The following SLC24A4 variants were observed in gnomAD, a reference collection of about 807,000 sequenced individuals.
SLC24A4 encodes solute carrier family 24 member 4.
A neutral mutation model predicts 79.0 loss-of-function variants in SLC24A4; 53 were observed. The observed-to-expected ratio is 0.67, with a 90% CI of 0.54 to 0.84. The LOEUF is 0.84. Ranked by LOEUF, SLC24A4 falls within the 40% of genes least tolerant of loss-of-function variation. The probability of loss-of-function intolerance (pLI) is 0.00; values close to 1 mark genes in which losing one functional copy is unlikely to be tolerated. For synonymous variants in SLC24A4, 323 were observed against 323.8 expected (o/e 1.00, Z 0.03); for missense variants, 731 against 822.0 (o/e 0.89, Z 1.35).
At chr14:92,366,377 G>A (rs1039860401) in intron 2 of SLC24A4, among the ~76,000 whole-genome samples, 6 of 152,214 alleles carry the variant, frequency 3.9e-5, no homozygotes, top group African/African-American at 1.4e-4. Flanking sequence ...CAGATGCTTG[G>A]GATAAACAGC....
Position 92,441,968 on chromosome 14 carries a change from C to T in SLC24A4, c.394-121C>T. On this transcript the variant is annotated intron_variant, in intron 4 of 16. Transcript: ENST00000532405. The surrounding 1 kb of genome is among the most constrained non-coding windows in gnomAD (Gnocchi z 4.6). ...GTGCCCAGGGGTGAGAGGCTGCAGG[C>T]AGACGAGTTTGCCTCTGGCTGCAGC... The T allele has an allele frequency of 5.7e-6, 4 of 706,158 alleles. No homozygotes were observed. The highest frequency in any genetic ancestry group is 9.8e-6 in the Non-Finnish European group (4 of 408,870). The allele number at this position is 706,158 out of a possible 1,614,324, so 43.7% of individuals were successfully genotyped here.
At chr14:92,359,128 A>T (rs1887351503) in intron 2 of SLC24A4, among the ~76,000 whole-genome samples, 1 of 152,190 alleles carries the variant, frequency 6.6e-6, no homozygotes, top group African/African-American at 2.4e-5. Flanking sequence ...CCTCTATCCT[A>T]GCCTAGCCCA....
chr14:92,336,970 A>G (rs1885845818), intron 2 of SLC24A4, among the ~76,000 whole-genome samples: 1 of 152,182 alleles, frequency 6.6e-6, no homozygotes, highest in South Asian at 2.1e-4. Flanking sequence ...TGGCTGTCCA[A>G]GGGGAAAGAG....
chr14:92,324,437 G>A (rs1448577342), intron 1 of SLC24A4, among the ~76,000 whole-genome samples: 1 of 152,224 alleles, frequency 6.6e-6, no homozygotes, highest in African/African-American at 2.4e-5. Context: ...CCCTAAAGGC[G>A]TTGGGGCAGT....
chr14:92,445,268 G>A, intron 7 of SLC24A4, 49 bp from the exon 8 acceptor site: 1 of 1,611,086 alleles, frequency 6.2e-7, no homozygotes. Context: ...TTCTTGTTTG[G>A]AAATAAATAT....
chr14:92,462,714 T>C (rs1289630143), intron 12 of SLC24A4: 4 of 152,220 alleles, frequency 2.6e-5, no homozygotes, highest in African/African-American at 9.7e-5. Context: ...GGGTGCTTTA[T>C]ACACATTAAG....
intron 12 of SLC24A4, among the ~76,000 whole-genome samples, chr14:92,459,205 C>T (rs1595317261): frequency 6.6e-6 from 1 of 152,322 alleles, no homozygotes; most frequent in Middle Eastern, 3.4e-3. Flanking sequence ...TCTTCCCATT[C>T]CTTAAGCCCA....
chr14:92,433,081 T>G (rs1281050835), intron 2 of SLC24A4, among the ~76,000 whole-genome samples: 2 of 152,210 alleles, frequency 1.3e-5, no homozygotes, highest in Non-Finnish European at 2.9e-5. Flanking sequence ...GTACTGAGGA[T>G]GCAATGGTGA....
chr14:92,424,351 A>G (rs549435901), intron 2 of SLC24A4, among the ~76,000 whole-genome samples: 54 of 152,338 alleles, frequency 3.5e-4, no homozygotes, highest in African/African-American at 1.3e-3. Flanking sequence ...TAGTGTTGCT[A>G]TAAAGTAACA....
rs374184248 is a variant in SLC24A4, at chr14:92,388,955, AAAAC to A, written c.242-44936_242-44933del. Among the ~76,000 whole-genome samples, 16 of 152,008 alleles carry A rather than the reference AAAAC, an allele frequency of 1.1e-4. 1 individual carries two copies. Among genetic ancestry groups the A allele is most frequent in the South Asian group, 8.3e-4 (4 of 4,820 alleles). Reference sequence around the variant, plus strand: ...CAGACTTTGCGTTGAGTTTGCTCTAAAAACAAACAAACAAACAAACAAACTCACT... The same window carrying A: ...CAGACTTTGCGTTGAGTTTGCTCTAAAAACAAACAAACAAACAAACTCACT... On this transcript the variant is annotated intron_variant, in intron 2 of 16. Transcript: ENST00000532405.
rs1885099591 is a variant in SLC24A4 at position 92,325,919 on chromosome 14, A to G, written c.182A>G (p.Asn61Ser). The G allele has an allele frequency of 1.2e-6, 2 of 1,613,018 alleles. No homozygotes were observed. Among genetic ancestry groups the G allele is most frequent in the East Asian group, 2.2e-5 (1 of 44,896 alleles). ...CGTGTCCTGCCAGACACGTGGAGAA[A>G]TAGAAAGTTGATGGCCCCAGTGAAT... is the stretch of plus-strand genomic sequence containing the variant. ...SKRVLPDTWR[N>S]RKLMAPVNGT... The change falls in exon 2 of 17, where the codon AAT becomes AGT. Residue 61 changes from asparagine to serine, a missense_variant. Asn to Ser is a conservative substitution (Grantham distance 46). Coordinates refer to ENST00000532405, the MANE Select transcript of SLC24A4 (RefSeq NM_153646.4).
intron 3 of SLC24A4, 152 bp downstream of exon 3, chr14:92,434,140 G>A (rs1892038155): frequency 4.4e-6 from 3 of 677,866 alleles, no homozygotes; most frequent in South Asian, 3.3e-5. Flanking sequence ...CACACAGAAA[G>A]GATGTCTTAA....
At position 92,491,681 on chromosome 14, in the gene SLC24A4, A is replaced by G. The variant is rs1040056107; in HGVS notation, c.1554A>G (p.Ala518=). The G allele has an allele frequency of 6.2e-7, 1 of 1,613,520 alleles. No individual in the cohort carries two copies. ...IVARQGLGDM[A]VSNTIGSNVF... is the part of the protein sequence containing the mutation. ...CCCCTGCAGGCCTTGGGGACATGGC[A>G]GTCTCCAACACCATAGGAAGCAACG... Residue 518 remains alanine, a synonymous_variant, in exon 15 of 17, where the codon GCA becomes GCG. Coordinates refer to ENST00000532405, the MANE Select transcript of SLC24A4 (RefSeq NM_153646.4).
intron 2 of SLC24A4, among the ~76,000 whole-genome samples, chr14:92,393,472 GC>G (rs1328294232): frequency 5.3e-5 from 8 of 152,016 alleles, no homozygotes; most frequent in Non-Finnish European, 1.2e-4. Flanking sequence ...GTGGATGGCG[GC>G]CGCCTGAACA....
intron 2 of SLC24A4, among the ~76,000 whole-genome samples, chr14:92,351,999 G>A (rs577703225): frequency 1.3e-5 from 2 of 152,286 alleles, no homozygotes; most frequent in South Asian, 4.1e-4. Flanking sequence ...CTTAGTTTTA[G>A]TGAGGGAGAT....
intron 8 of SLC24A4, among the ~76,000 whole-genome samples, chr14:92,446,626 A>G (rs764758761): frequency 6.6e-6 from 1 of 152,176 alleles, no homozygotes; most frequent in Non-Finnish European, 1.5e-5. Flanking sequence ...CAGGGTTGAG[A>G]TGGCAGTGGT....
chr14:92,328,159 T>C (rs781719086), intron 2 of SLC24A4, among the ~76,000 whole-genome samples: 1 of 152,080 alleles, frequency 6.6e-6, no homozygotes, highest in Non-Finnish European at 1.5e-5. Flanking sequence ...CCAGGTGGGG[T>C]CTGTGGCCAG....
chr14:92,405,205 T>C (rs1016310655), intron 2 of SLC24A4, among the ~76,000 whole-genome samples: 1 of 152,232 alleles, frequency 6.6e-6, no homozygotes, highest in African/African-American at 2.4e-5. Flanking sequence ...GAGTGGTGTC[T>C]GCCCAGCCAG....
chr14:92,466,573 A>G (rs1595334469), intron 12 of SLC24A4, among the ~76,000 whole-genome samples: 1 of 152,358 alleles, frequency 6.6e-6, no homozygotes, highest in Non-Finnish European at 1.5e-5. Context: ...CAAAAATTAG[A>G]TTCTAAAGCT....
Sources: gnomAD v4.1 joint callset for allele counts (sites outside exome capture counted in the v4.1 genomes callset) on GRCh38, gnomAD v4.1.1 for gene constraint, Gnocchi (gnomAD v3.1) non-coding constraint, MANE v1.5 for transcripts, NCBI Gene and HGNC (gene_info 2026-07-23, HGNC 2026-07-21) for gene names.